Variants in TXLNB observed in about 807,000 individuals in gnomAD.
The protein encoded by TXLNB is beta-taxilin.
In TXLNB, 37 loss-of-function variants were observed where a neutral mutation model predicts 57.4. The ratio of observed to expected loss-of-function variants is 0.64; its 90% CI spans 0.50 to 0.85. The LOEUF (loss-of-function observed/expected upper bound fraction) is 0.85, where lower values mean the gene tolerates loss of function less well. Among genes scored for constraint, TXLNB ranks in the 40% least tolerant of loss-of-function variants. The pLI is 0.00. For missense variants in TXLNB, 848 were observed against 825.6 expected (o/e 1.03, Z -0.33); for synonymous variants, 302 against 309.6 (o/e 0.98, Z 0.26).
chr6:139,245,127 AGTCTCTG>A (rs1776039919), intron 8 of TXLNB, among the ~76,000 whole-genome samples: 1 of 152,232 alleles, frequency 6.6e-6, no homozygotes, highest in Admixed American at 6.5e-5. Flanking sequence ...GCACAAAAGC[AGTCTCTG>A]TATTTTCTGG....
chr6:139,166,920 A>C, the TXLNB span: 2 of 1,614,096 alleles, frequency 1.2e-6, no homozygotes, highest in Non-Finnish European at 1.7e-6. Flanking sequence ...AACGCCATCC[A>C]TCTGGAGCCT....
chr6:139,227,254 G>A, the TXLNB span, among the ~76,000 whole-genome samples: 2 of 151,878 alleles, frequency 1.3e-5, no homozygotes, highest in African/African-American at 2.4e-5. Context: ...CATGAGAATC[G>A]CTAGAACCCG....
At chr6:139,170,741 A>AT in the TXLNB span, among the ~76,000 whole-genome samples, 4 of 152,194 alleles carry the variant, frequency 2.6e-5, no homozygotes, top group African/African-American at 9.7e-5. Context: ...GAACTTTGCT[A>AT]TATATTCTTT....
At chr6:139,267,057 G>A (rs1776634507) in intron 4 of TXLNB, among the ~76,000 whole-genome samples, 1 of 149,174 alleles carries the variant, frequency 6.7e-6, no homozygotes, top group African/African-American at 2.5e-5. Context: ...AAATAAAGAT[G>A]TTTTAAAGAT....
the TXLNB span, among the ~76,000 whole-genome samples, chr6:139,190,462 G>T: frequency 0.55 from 82,669 of 151,652 alleles, 23,449 homozygotes; most frequent in Non-Finnish European, 0.58. Context: ...GGTGCCCACC[G>T]CCATGCCCAG....
chr6:139,188,557 T>C, the TXLNB span, among the ~76,000 whole-genome samples: 1 of 152,260 alleles, frequency 6.6e-6, no homozygotes, highest in Non-Finnish European at 1.5e-5. Context: ...GCATTTGACT[T>C]ATAAGGTTTG....
At chr6:139,197,438 T>G in the TXLNB span, among the ~76,000 whole-genome samples, 1 of 152,196 alleles carries the variant, frequency 6.6e-6, no homozygotes, top group Non-Finnish European at 1.5e-5. Flanking sequence ...CAATAAATAT[T>G]TCTTGAGTGT....
the TXLNB span, among the ~76,000 whole-genome samples, chr6:139,191,420 A>C: frequency 6.6e-6 from 1 of 151,994 alleles, no homozygotes; most frequent in South Asian, 2.1e-4. Context: ...ACTCTGTCTC[A>C]AAAAAAATAA....
At chr6:139,224,302 G>A in the TXLNB span, among the ~76,000 whole-genome samples, 1 of 129,882 alleles carries the variant, frequency 7.7e-6, no homozygotes, top group Non-Finnish European at 1.6e-5. Context: ...ATTGTGGGGT[G>A]GGGGGAGGGG....
intron 2 of TXLNB, among the ~76,000 whole-genome samples, chr6:139,277,477 T>G (rs1776929609): frequency 6.6e-6 from 1 of 152,138 alleles, no homozygotes; most frequent in African/African-American, 2.4e-5. Context: ...GAACCAAGTT[T>G]CTCTTTTTTG....
At chr6:139,189,035 GCGTGAGC>G in the TXLNB span, among the ~76,000 whole-genome samples, 2 of 152,222 alleles carry the variant, frequency 1.3e-5, no homozygotes, top group Non-Finnish European at 2.9e-5. Flanking sequence ...GGGATTACAG[GCGTGAGC>G]CACCATGCCC....
At chr6:139,216,519 A>T in the TXLNB span, among the ~76,000 whole-genome samples, 1 of 151,560 alleles carries the variant, frequency 6.6e-6, no homozygotes, top group Non-Finnish European at 1.5e-5. Context: ...AGATATACCT[A>T]ATGCTAAACG....
the TXLNB span, among the ~76,000 whole-genome samples, chr6:139,193,836 A>AT: frequency 2.0e-4 from 11 of 53,898 alleles, no homozygotes; most frequent in East Asian, 9.7e-4. Flanking sequence ...ATATATATAT[A>AT]TATATTTTTT....
the TXLNB span, among the ~76,000 whole-genome samples, chr6:139,211,454 G>T: frequency 1.3e-5 from 2 of 152,066 alleles, no homozygotes; most frequent in Non-Finnish European, 2.9e-5. Flanking sequence ...AAACAGAAAG[G>T]ACATCTACAC....
the TXLNB span, among the ~76,000 whole-genome samples, chr6:139,223,585 A>C: frequency 6.6e-6 from 1 of 152,118 alleles, no homozygotes; most frequent in African/African-American, 2.4e-5. Flanking sequence ...CAATGAACCC[A>C]AACAAATTTA....
downstream of TXLNB, among the ~76,000 whole-genome samples, chr6:139,235,086 A>C (rs151338060): frequency 2.0e-5 from 3 of 152,288 alleles, no homozygotes; most frequent in East Asian, 5.8e-4. Flanking sequence ...TGTTATGGCC[A>C]ATTTTTCCCA....
chr6:139,173,817 C>T, the TXLNB span, among the ~76,000 whole-genome samples: 1 of 152,108 alleles, frequency 6.6e-6, no homozygotes, highest in African/African-American at 2.4e-5. Flanking sequence ...TAAAAAATTA[C>T]GAGTAAGATA....
At chr6:139,321,966 A>AT in the TXLNB span, among the ~76,000 whole-genome samples, 1,351 of 139,780 alleles carry the variant, frequency 9.7e-3, 10 homozygotes, top group African/African-American at 0.016. Context: ...AGATTCATTA[A>AT]TTTTTTTTTT....
chr6:139,268,059 A>G (rs1367539357), intron 4 of TXLNB, among the ~76,000 whole-genome samples: 6 of 151,166 alleles, frequency 4.0e-5, no homozygotes, highest in Non-Finnish European at 8.8e-5. Flanking sequence ...GCTAAGGCAG[A>G]GAATTGCTTG....
Sources: allele counts gnomAD v4.1 joint callset (sites outside exome capture counted in the v4.1 genomes callset), GRCh38; gene constraint gnomAD v4.1.1; transcripts MANE v1.5; gene names NCBI Gene and HGNC (gene_info 2026-07-23, HGNC 2026-07-21).